TMOD1: variants seen among roughly 807,000 people sequenced by gnomAD.
The protein encoded by TMOD1 is tropomodulin 1.
TMOD1 carries 17 observed loss-of-function variants against 40.6 expected under a neutral mutation model. The observed-to-expected ratio is 0.42, with a 90% CI of 0.29 to 0.63. The LOEUF is 0.63. TMOD1 is among the 20% of genes least tolerant of loss of function. The pLI is 0.22. For missense variants in TMOD1, 391 were observed against 447.6 expected, an observed-to-expected ratio of 0.87 and a Z score of 1.14; for synonymous variants, 181 against 175.0, an observed-to-expected ratio of 1.03 and a Z score of -0.27.
At chr9:97,587,239 C>T (rs1050187784) in intron 8 of TMOD1, among the ~76,000 whole-genome samples, 4 of 152,294 alleles carry the variant, frequency 2.6e-5, no homozygotes, top group Admixed American at 1.3e-4. Context: ...TTTATGTAAA[C>T]ATATGTTTTA....
chr9:97,529,655 C>G (rs1830070021), intron 2 of TMOD1, among the ~76,000 whole-genome samples: 1 of 152,152 alleles, frequency 6.6e-6, no homozygotes, highest in East Asian at 1.9e-4. Context: ...CTAAAAGTAT[C>G]CGCTGTTGAC....
At position 97,513,484 on chromosome 9, in the gene TMOD1, A is replaced by C. The variant is rs1178057979; in HGVS notation, c.-48-10657A>C. Among the ~76,000 whole-genome samples, 3 of 152,194 alleles carry C rather than the reference A, an allele frequency of 2.0e-5. No homozygotes were observed. Among genetic ancestry groups the C allele is most frequent in the Non-Finnish European group, 2.9e-5 (2 of 68,036 alleles). On this transcript the variant is annotated intron_variant, in intron 1 of 9. Coordinates refer to ENST00000259365, the MANE Select transcript of TMOD1 (RefSeq NM_003275.4). This position sits in a 1 kb window ranked among gnomAD's most constrained non-coding sequence, Gnocchi z 4.1. ...ACCCAAGATGGGGCCTCACCTGTAA[A>C]GGAAACTAAGGGCCCAGGGCATCTG...
At chr9:97,593,431 C>CT (rs1826040065) in intron 9 of TMOD1, among the ~76,000 whole-genome samples, 1 of 152,038 alleles carries the variant, frequency 6.6e-6, no homozygotes, top group Admixed American at 6.6e-5. Flanking sequence ...CTCCAGTTCC[C>CT]TTAGAAAGAA....
intron 2 of TMOD1, among the ~76,000 whole-genome samples, chr9:97,535,657 A>G (rs1156326250): frequency 6.6e-6 from 1 of 152,242 alleles, no homozygotes; most frequent in Non-Finnish European, 1.5e-5. Flanking sequence ...ATGAGGCAGG[A>G]AAGGAGGATT....
intron 6 of TMOD1, among the ~76,000 whole-genome samples, chr9:97,565,413 A>G (rs925062299): frequency 2.0e-5 from 3 of 152,090 alleles, no homozygotes; most frequent in African/African-American, 4.8e-5. Flanking sequence ...AAAGAGTATC[A>G]TATGCAACCC....
At chr9:97,586,608 C>A (rs1423014843) in intron 8 of TMOD1, among the ~76,000 whole-genome samples, 1 of 152,108 alleles carries the variant, frequency 6.6e-6, no homozygotes, top group East Asian at 1.9e-4. Flanking sequence ...CCCAGCCTCG[C>A]TGCCGCCTTG....
chr9:97,517,082 C>T (rs1469975331), intron 1 of TMOD1, among the ~76,000 whole-genome samples: 3 of 152,078 alleles, frequency 2.0e-5, no homozygotes, highest in African/African-American at 2.4e-5. Context: ...CATGGTGGCT[C>T]ACACGTATAA....
chr9:97,569,740 CT>C (rs1181930366), intron 8 of TMOD1, among the ~76,000 whole-genome samples: 2 of 152,170 alleles, frequency 1.3e-5, no homozygotes, highest in Admixed American at 1.3e-4. Flanking sequence ...CACAACAACC[CT>C]ACAGAATGTG....
chr9:97,555,612 G>A, intron 4 of TMOD1: 1 of 1,550,546 alleles, frequency 6.4e-7, no homozygotes. Flanking sequence ...GGCTAACCTT[G>A]GATGCCTGTC....
intron 9 of TMOD1, among the ~76,000 whole-genome samples, chr9:97,592,557 G>A (rs375786826): frequency 6.6e-6 from 1 of 152,062 alleles, no homozygotes; most frequent in South Asian, 2.1e-4. Context: ...TCCAACCCTC[G>A]ATAAAATGCA....
chr9:97,532,769 G>T (rs1376998948), intron 2 of TMOD1, among the ~76,000 whole-genome samples: 3 of 152,192 alleles, frequency 2.0e-5, no homozygotes, highest in Non-Finnish European at 4.4e-5. Context: ...CCTACATGAA[G>T]GAAGGAAGAT....
At position 97,559,811 on chromosome 9, in the gene TMOD1, A is replaced by C. The variant is rs74863512; in HGVS notation, c.398-2921A>C. 3.0e-3 allele frequency among the ~76,000 whole-genome samples: 125 copies of C among 42,160 alleles called. 4 individuals carry two copies. The highest frequency in any genetic ancestry group is 3.5e-3 in the Non-Finnish European group (74 of 21,014). 27.7% of individuals were successfully genotyped at this position (42,160 alleles called of 152,430 possible). A position where few individuals can be genotyped will look rare whatever the true frequency, so the allele number is the denominator to read the frequency against. ...AAAAAAAAAATATATATATATATAT[A>C]TATATATATATATGTCTATCTATCT... On this transcript the variant is annotated intron_variant, in intron 4 of 9. Coordinates refer to ENST00000259365, the MANE Select transcript of TMOD1 (RefSeq NM_003275.4).
At position 97,568,614 on chromosome 9, in the gene TMOD1, C is replaced by A. The variant is rs544349603; in HGVS notation, c.727-280C>A. On this transcript the variant is annotated intron_variant, in intron 7 of 9. Coordinates refer to ENST00000259365, the MANE Select transcript of TMOD1 (RefSeq NM_003275.4). ...GCAGGCATGGGGAGCTGCGAGTAGC[C>A]CCACTGAAGAGGAGCAGTGAGAGTT... Among the ~76,000 whole-genome samples, 4 of 152,206 alleles carry A rather than the reference C, an allele frequency of 2.6e-5. 1 individual carries two copies. The highest frequency in any genetic ancestry group is 4.8e-5 in the African/African-American group (2 of 41,526).
chr9:97,601,642 T>A lies in TMOD1; in HGVS notation c.*1944T>A. 2.1e-6 allele frequency: 2 copies of A among 938,122 alleles called. No homozygotes were observed. Among genetic ancestry groups the A allele is most frequent in the African/African-American group, 3.5e-5 (2 of 56,408 alleles). 58.1% of individuals were successfully genotyped at this position (938,122 alleles called of 1,614,324 possible). The stretch of plus-strand genomic sequence containing the variant: ...GCCAGACAGTAAAAATTTCCGATTT[T>A]GCAGGCCACATAGTGTCTGTTGCAA... On this transcript the variant is annotated 3_prime_UTR_variant, in exon 10 of 10. Transcript: ENST00000259365.
intron 9 of TMOD1, among the ~76,000 whole-genome samples, chr9:97,594,873 A>C (rs56164437): frequency 0.024 from 3,698 of 152,282 alleles, 135 homozygotes; most frequent in East Asian, 0.13. Context: ...CAGGTCCTCT[A>C]AATCTGCCAC....
intron 3 of TMOD1, among the ~76,000 whole-genome samples, chr9:97,549,092 G>C (rs62560473): frequency 2.6e-4 from 39 of 152,302 alleles, no homozygotes; most frequent in African/African-American, 9.4e-4. Context: ...CATTCAAGTG[G>C]GAGAGACCAG....
Position 97,544,535 on chromosome 9 carries a change from C to CA in TMOD1, c.121-1639dup, listed in dbSNP as rs1256657064. Among the ~76,000 whole-genome samples the CA allele has an allele frequency of 3.0e-3, 413 of 138,750 alleles. 2 individuals are homozygous for CA. Among genetic ancestry groups the CA allele is most frequent in the East Asian group, 0.013 (61 of 4,798 alleles). The allele number at this position is 138,750 out of a possible 152,430, so 91.0% of individuals were successfully genotyped here. A position where few individuals can be genotyped will look rare whatever the true frequency, so the allele number is the denominator to read the frequency against. On this transcript the variant is annotated intron_variant, in intron 2 of 9. Transcript: ENST00000259365. ...TTGGTGACAGAGAAAGACTCTGTCT[C>CA]AAAAAAAAAAAGTAAAAAAAATTAA...
chr9:97,533,375 A>G (rs1587925771), intron 2 of TMOD1, among the ~76,000 whole-genome samples: 1 of 152,212 alleles, frequency 6.6e-6, no homozygotes, highest in African/African-American at 2.4e-5. Context: ...TGTCCACTAG[A>G]ATCTAAGTTT....
intron 2 of TMOD1, among the ~76,000 whole-genome samples, chr9:97,530,948 C>A (rs1295918561): frequency 6.6e-6 from 1 of 150,548 alleles, no homozygotes; most frequent in Non-Finnish European, 1.5e-5. Flanking sequence ...TCACCATGCC[C>A]GGCTAATTTT....
Sources: gnomAD v4.1 joint callset for allele counts (sites outside exome capture counted in the v4.1 genomes callset) on GRCh38, gnomAD v4.1.1 for gene constraint, Gnocchi (gnomAD v3.1) non-coding constraint, MANE v1.5 for transcripts, NCBI Gene and HGNC (gene_info 2026-07-23, HGNC 2026-07-21) for gene names.